CIB4: variants seen among roughly 807,000 people sequenced by gnomAD.
CIB4 encodes calcium and integrin-binding family member 4.
A neutral mutation model predicts 25.8 loss-of-function variants in CIB4; 25 were observed. The ratio of observed to expected loss-of-function variants is 0.97; its 90% CI spans 0.71 to 1.35. The LOEUF (loss-of-function observed/expected upper bound fraction) is 1.35, where lower values mean the gene tolerates loss of function less well. Among genes scored for constraint, CIB4 ranks in the 40% most tolerant of loss-of-function variants. The pLI, the probability that CIB4 is intolerant of heterozygous loss-of-function variation, is 0.00. For synonymous variants in CIB4, 75 were observed against 81.4 expected, an observed-to-expected ratio of 0.92 and a Z score of 0.42; for missense variants, 235 against 228.2, an observed-to-expected ratio of 1.03 and a Z score of -0.19.
In CIB4 at chr2:26,635,439, G is replaced by A. The variant is rs186458386; in HGVS notation, c.89+5094C>T. 5.6e-3 allele frequency among the ~76,000 whole-genome samples: 853 copies of A among 152,324 alleles called. 4 individuals are homozygous for A. Among genetic ancestry groups the A allele is most frequent in the African/African-American group, 0.02 (827 of 41,558 alleles). The stretch of plus-strand genomic sequence containing the variant: ...CTGCAAAGGTTACTTCTACCTATCG[G>A]TCTCTTGAATACTTTTTTAACTGGC... On this transcript the variant is annotated intron_variant, in intron 2 of 6. Coordinates refer to ENST00000288861, the MANE Select transcript of CIB4 (RefSeq NM_001029881.3).
chr2:26,613,855 C>T (rs1257248753), intron 3 of CIB4, among the ~76,000 whole-genome samples: 1 of 152,222 alleles, frequency 6.6e-6, no homozygotes, highest in South Asian at 2.1e-4. Context: ...CGGGGCCTGT[C>T]CTGCCTCTCT....
chr2:26,620,508 A>G (rs376914260), intron 3 of CIB4, among the ~76,000 whole-genome samples: 91 of 152,306 alleles, frequency 6.0e-4, no homozygotes, highest in African/African-American at 2.1e-3. Flanking sequence ...ATGGTTGAGA[A>G]CTGGGGAGTG....
At chr2:26,625,349 C>CTT (rs34821747) in intron 3 of CIB4, among the ~76,000 whole-genome samples, 16 of 98,560 alleles carry the variant, frequency 1.6e-4, no homozygotes, top group South Asian at 6.6e-4. Context: ...TAAGGACAGC[C>CTT]TTTTTTTTTT....
At chr2:26,626,986 C>T (rs1008632023) in intron 3 of CIB4, among the ~76,000 whole-genome samples, 4 of 152,168 alleles carry the variant, frequency 2.6e-5, no homozygotes, top group Non-Finnish European at 4.4e-5. Flanking sequence ...GATATACATG[C>T]AAGGAGTGTG....
In CIB4 at chr2:26,610,759, T is replaced by C. The variant is rs569588217; in HGVS notation, c.187-15442A>G. 3.0e-4 allele frequency among the ~76,000 whole-genome samples: 45 copies of C among 152,276 alleles called. No individual in the cohort carries two copies. The South Asian group carries it at 8.7e-3, about 29-fold the overall frequency. The stretch of plus-strand genomic sequence containing the variant: ...AAATTCACATCTATTTGTCCATTAA[T>C]CCCTTACAAGAAACCAAGCAGTCAA... On this transcript the variant is annotated intron_variant, in intron 3 of 6. Coordinates refer to ENST00000288861, the MANE Select transcript of CIB4 (RefSeq NM_001029881.3).
chr2:26,590,626 C>T (rs1668571753), intron 4 of CIB4, among the ~76,000 whole-genome samples: 5 of 152,162 alleles, frequency 3.3e-5, no homozygotes, highest in Admixed American at 3.3e-4. Context: ...ACTCCCCCCT[C>T]GACTTACTAC....
At chr2:26,632,385 T>G (rs1294414898) in intron 2 of CIB4, among the ~76,000 whole-genome samples, 1 of 152,028 alleles carries the variant, frequency 6.6e-6, no homozygotes, top group Non-Finnish European at 1.5e-5. Context: ...AGGAAAGTAC[T>G]GGGGTGGATG....
At chr2:26,588,978 T>TTTCTTCTTCTTCTTCTTCTTC (rs879474454) in intron 4 of CIB4, among the ~76,000 whole-genome samples, 12 of 69,936 alleles carry the variant, frequency 1.7e-4, no homozygotes, top group South Asian at 5.0e-4. Context: ...CCGCTTCTTC[T>TTTCTTCTTCTTCTTCTTCTTC]TTCTTCTTCT....
intron 2 of CIB4, among the ~76,000 whole-genome samples, chr2:26,630,968 T>A (rs1429745766): frequency 1.3e-5 from 2 of 152,024 alleles, no homozygotes; most frequent in Non-Finnish European, 2.9e-5. Context: ...CTCTTCATGG[T>A]CCCCTCCATG....
chr2:26,592,690 T>C (rs1207940395), intron 4 of CIB4, among the ~76,000 whole-genome samples: 1 of 152,206 alleles, frequency 6.6e-6, no homozygotes, highest in East Asian at 1.9e-4. Flanking sequence ...TTTCTATTGT[T>C]CTGTCTTCAA....
At chr2:26,584,934 G>C (rs1255377326) in intron 4 of CIB4, among the ~76,000 whole-genome samples, 1 of 152,178 alleles carries the variant, frequency 6.6e-6, no homozygotes, top group Non-Finnish European at 1.5e-5. Flanking sequence ...CTGCCTTCCA[G>C]GACAGCGCTC....
intron 3 of CIB4, among the ~76,000 whole-genome samples, chr2:26,600,367 G>A (rs144024271): frequency 0.018 from 2,765 of 152,270 alleles, 90 homozygotes; most frequent in African/African-American, 0.062. Flanking sequence ...TCGTGCCACT[G>A]CACTCCAGCT....
At chr2:26,590,258 T>TAAAAAAAAA (rs869097756) in intron 4 of CIB4, among the ~76,000 whole-genome samples, 9 of 61,830 alleles carry the variant, frequency 1.5e-4, no homozygotes, top group Admixed American at 6.2e-4. Flanking sequence ...CAAGCATCTG[T>TAAAAAAAAA]AAAAAAAAAA....
intron 4 of CIB4, among the ~76,000 whole-genome samples, chr2:26,590,257 G>GGA (rs1668560291): frequency 9.3e-5 from 1 of 10,736 alleles, no homozygotes; most frequent in Non-Finnish European, 3.4e-4. Flanking sequence ...CCAAGCATCT[G>GGA]TAAAAAAAAA....
rs781769432 is a variant in CIB4 at position 26,595,282 on chromosome 2, G to C, written c.222C>G (p.Phe74Leu). 6.2e-7 allele frequency: 1 copy of C among 1,614,144 alleles called. No individual in the cohort carries two copies. Among genetic ancestry groups the C allele is most frequent in the Non-Finnish European group, 8.5e-7 (1 of 1,179,984 alleles). Residue 74 changes from phenylalanine (F) to leucine (L), a missense_variant, in exon 4 of 7, where the codon TTC becomes TTG. Coordinates refer to ENST00000288861, the MANE Select transcript of CIB4 (RefSeq NM_001029881.3). ...CAAAGGAGAACATGCCTTTGTGGGA[G>C]AACACTCTGCAGATACGGTCTCTGA... ...NPFRDRICRV[F>L]SHKGMFSFED...
chr2:26,632,764 A>C (rs1669447507), intron 2 of CIB4, among the ~76,000 whole-genome samples: 2 of 151,566 alleles, frequency 1.3e-5, no homozygotes, highest in South Asian at 2.1e-4. Context: ...TCTCAAAAAA[A>C]AAAAAAAAGA....
intron 3 of CIB4, among the ~76,000 whole-genome samples, chr2:26,612,321 C>T (rs141060388): frequency 1.6e-3 from 251 of 152,348 alleles, no homozygotes; most frequent in African/African-American, 5.3e-3. Flanking sequence ...CCCAGCTCAT[C>T]GCACCATCTT....
At chr2:26,636,881 G>A (rs1669542151) in intron 2 of CIB4, among the ~76,000 whole-genome samples, 1 of 152,080 alleles carries the variant, frequency 6.6e-6, no homozygotes, top group African/African-American at 2.4e-5. Flanking sequence ...TTTGCTCTCC[G>A]TGGAAGCACT....
At chr2:26,608,901 G>A (rs910750272) in intron 3 of CIB4, among the ~76,000 whole-genome samples, 1 of 151,996 alleles carries the variant, frequency 6.6e-6, no homozygotes, top group Non-Finnish European at 1.5e-5. Context: ...CTCTCTCGTC[G>A]CTCATGGTCA....
Sources: allele counts gnomAD v4.1 joint callset (sites outside exome capture counted in the v4.1 genomes callset), GRCh38; gene constraint gnomAD v4.1.1; transcripts MANE v1.5; gene names NCBI Gene and HGNC (gene_info 2026-07-23, HGNC 2026-07-21).